Variants in MICAL3 observed in about 807,000 individuals in gnomAD.
MICAL3 encodes the protein [F-actin]-monooxygenase MICAL3.
Under a neutral mutation model 207.4 loss-of-function variants are expected in MICAL3, and 62 were observed. The ratio of observed to expected loss-of-function variants is 0.30; its 90% CI spans 0.24 to 0.37. The LOEUF (loss-of-function observed/expected upper bound fraction) is 0.37. Among genes scored for constraint, MICAL3 ranks in the 10% least tolerant of loss-of-function variants. The pLI is 1.00. For missense variants in MICAL3, 2,368 were observed against 2,635.6 expected, an observed-to-expected ratio of 0.90 and a Z score of 2.22; for synonymous variants, 1,077 against 1,069.3, an observed-to-expected ratio of 1.01 and a Z score of -0.14.
At position 17,886,175 on chromosome 22, in the gene MICAL3, T is replaced by C; in HGVS notation, c.2068-124A>G. 3.0e-6 allele frequency: 3 copies of C among 1,002,050 alleles called. No individual in the cohort carries two copies. The South Asian group carries it at 4.5e-5, about 15-fold the overall frequency. The allele number at this position is 1,002,050 out of a possible 1,614,324, so 62.1% of individuals were successfully genotyped here. ...GGTGGACTGGCTCAGCTCTCAAGGTTCCCGTGTCCACACAGAGACAGCAAG... is the reference window on the plus strand; with the variant it reads ...GGTGGACTGGCTCAGCTCTCAAGGTCCCCGTGTCCACACAGAGACAGCAAG... On this transcript the variant is annotated intron_variant, in intron 15 of 31. Transcript: ENST00000441493.
In MICAL3 at chr22:17,796,360, G is replaced by A. The variant is rs536057849; in HGVS notation, c.5651-5059C>T. On this transcript the variant is annotated intron_variant, in intron 29 of 31. Coordinates refer to ENST00000441493, the MANE Select transcript of MICAL3 (RefSeq NM_015241.3). This position sits in a 1 kb window ranked among gnomAD's most constrained non-coding sequence, Gnocchi z 4.4. ...GCAACAGTACACCACCAGGGAGTGA[G>A]GCCTGTCCAGAGCAGCGCATGAGAT... is the stretch of plus-strand genomic sequence containing the variant. Among the ~76,000 whole-genome samples, 6 of 152,336 alleles carry A rather than the reference G, an allele frequency of 3.9e-5. No homozygotes were observed. The highest frequency in any genetic ancestry group is 5.9e-5 in the Non-Finnish European group (4 of 68,028).
intron 1 of MICAL3, among the ~76,000 whole-genome samples, chr22:17,999,782 G>T (rs118134685): frequency 0.014 from 2,070 of 152,328 alleles, 27 homozygotes; most frequent in Non-Finnish European, 0.021. Flanking sequence ...ATCCTTTACA[G>T]GAGGAACACA....
chr22:17,818,314 G>A lies in MICAL3; in HGVS notation c.4347C>T (p.Asp1449=), dbSNP rs1402132495. The A allele has an allele frequency of 6.4e-7, 1 of 1,565,410 alleles. No homozygotes were observed. Among genetic ancestry groups the A allele is most frequent in the Non-Finnish European group, 8.6e-7 (1 of 1,161,276 alleles). Residue 1449 remains aspartate (D), a synonymous_variant, in exon 26 of 32, where the codon GAC becomes GAT. Transcript: ENST00000441493. ...TGGAGGGGGGCGTGAGCATGGCGGA[G>A]TCCGAGGTGTTGAAGCTCTGGCTGC... ...TLGSQSFNTS[D]SAMLTPPSSP...
intron 1 of MICAL3, among the ~76,000 whole-genome samples, chr22:17,990,882 C>T (rs758232337): frequency 6.6e-6 from 1 of 152,216 alleles, no homozygotes; most frequent in Admixed American, 6.5e-5. Flanking sequence ...GGTTTTTAGC[C>T]AAACCCCTTG....
intron 20 of MICAL3, among the ~76,000 whole-genome samples, chr22:17,836,080 C>A (rs1569087088): frequency 6.6e-6 from 1 of 152,276 alleles, no homozygotes; most frequent in Non-Finnish European, 1.5e-5. Flanking sequence ...ACTCAAAGCA[C>A]CTGCTCTGAA....
At chr22:17,828,139 G>A (rs562940172) in intron 21 of MICAL3, among the ~76,000 whole-genome samples, 1 of 152,342 alleles carries the variant, frequency 6.6e-6, no homozygotes, top group Admixed American at 6.5e-5. Context: ...GCAGATTCCA[G>A]CCTGCTTCTG....
At chr22:17,977,041 G>C (rs1476872276) in intron 1 of MICAL3, among the ~76,000 whole-genome samples, 3 of 151,874 alleles carry the variant, frequency 2.0e-5, no homozygotes, top group African/African-American at 7.3e-5. Flanking sequence ...CTGACCTTGT[G>C]ATCCGCCCAC....
chr22:17,792,160 C>G (rs754379360), intron 29 of MICAL3, among the ~76,000 whole-genome samples: 3 of 152,220 alleles, frequency 2.0e-5, no homozygotes, highest in Non-Finnish European at 4.4e-5. Flanking sequence ...CCAAGCCACC[C>G]AACGAGAGAA....
intron 1 of MICAL3, among the ~76,000 whole-genome samples, chr22:17,956,968 T>A (rs1043047065): frequency 1.9e-4 from 29 of 152,234 alleles, no homozygotes; most frequent in Non-Finnish European, 1.9e-4. Flanking sequence ...TTCTGGTTAA[T>A]GAGATATAAG....
Position 17,841,611 on chromosome 22 carries a change from A to G in MICAL3, c.2801+211T>C. The G allele has an allele frequency of 1.7e-6, 1 of 594,074 alleles. No homozygotes were observed. Among genetic ancestry groups the G allele is most frequent in the Non-Finnish European group, 3.0e-6 (1 of 333,578 alleles). The allele number at this position is 594,074 out of a possible 1,614,324, so 36.8% of individuals were successfully genotyped here. On this transcript the variant is annotated intron_variant, in intron 20 of 31. Transcript: ENST00000441493. This position sits in a 1 kb window ranked among gnomAD's most constrained non-coding sequence, Gnocchi z 4.2. ...CATGTCAGGTCCTCAAGGAATAAATACTTCCTGAATCTCTGAATTGAGTCT... is the reference window on the plus strand; with the variant it reads ...CATGTCAGGTCCTCAAGGAATAAATGCTTCCTGAATCTCTGAATTGAGTCT...
At chr22:17,798,644 TATA>T (rs2061901781) in intron 29 of MICAL3, among the ~76,000 whole-genome samples, 1 of 151,664 alleles carries the variant, frequency 6.6e-6, no homozygotes, top group South Asian at 2.1e-4. Flanking sequence ...ACATAAATAT[TATA>T]ATGATAAATA....
At chr22:17,827,190 C>T (rs1370407055) in intron 22 of MICAL3, among the ~76,000 whole-genome samples, 1 of 151,232 alleles carries the variant, frequency 6.6e-6, no homozygotes, top group Non-Finnish European at 1.5e-5. Context: ...GGAGACGATG[C>T]TACTGTGGAG....
intron 16 of MICAL3, chr22:17,872,604 T>G (rs1927836606): frequency 3.2e-6 from 2 of 628,858 alleles, no homozygotes; most frequent in East Asian, 5.5e-5. Flanking sequence ...CTTAGGAATT[T>G]GGTTATCAAA....
chr22:17,934,003 T>TC (rs948340316), intron 1 of MICAL3, among the ~76,000 whole-genome samples: 53 of 152,214 alleles, frequency 3.5e-4, no homozygotes, highest in African/African-American at 1.3e-3. Flanking sequence ...CCAAAAAAAG[T>TC]CCAGGACCAG....
At chr22:18,020,923 A>T (rs1244905566) in intron 1 of MICAL3, among the ~76,000 whole-genome samples, 1 of 97,192 alleles carries the variant, frequency 1.0e-5, no homozygotes, top group South Asian at 2.6e-4. Context: ...CAAATAAATA[A>T]ATAAATAAAT....
chr22:17,816,664 G>C (rs1196598011), intron 27 of MICAL3, 26 bp downstream of exon 27: 22 of 1,531,156 alleles, frequency 1.4e-5, no homozygotes, highest in Non-Finnish European at 1.9e-5. Context: ...CCCAGGCCCT[G>C]TGAAGCCCCC....
rs1052509377 is a variant in MICAL3 at position 17,790,102 on chromosome 22, G to T, written c.*630C>A. On this transcript the variant is annotated 3_prime_UTR_variant, in exon 32 of 32. Transcript: ENST00000441493. ...AGGCCACAGCCAGCAAGCGGCCCAGGCATTTGGCCACTTAGGGTCCAGTGT... is the reference window on the plus strand; with the variant it reads ...AGGCCACAGCCAGCAAGCGGCCCAGTCATTTGGCCACTTAGGGTCCAGTGT... 6 of 152,234 alleles carry T rather than the reference G, an allele frequency of 3.9e-5. No individual in the cohort carries two copies. The highest frequency in any genetic ancestry group is 1.9e-4 in the East Asian group (1 of 5,188). The allele number at this position is 152,234 out of a possible 1,614,324, so 9.4% of individuals were successfully genotyped here. A position where few individuals can be genotyped will look rare whatever the true frequency, so the allele number is the denominator to read the frequency against.
Position 17,904,771 on chromosome 22 carries a change from C to A in MICAL3, c.333G>T (p.Lys111Asn). The change falls in exon 3 of 32, where the codon AAG becomes AAT. Residue 111 changes from lysine to asparagine, a missense_variant. By Grantham distance (94) the Lys-to-Asn change is moderately conservative. Coordinates refer to ENST00000441493, the MANE Select transcript of MICAL3 (RefSeq NM_015241.3). ...CATCTCGTTTCTCAATAACAACCAC[C>A]TTGGCCCCCAGTAAGGATAAGTCGA... is the stretch of plus-strand genomic sequence containing the variant. ...TAIDLSLLGAKVVVIEKRDAF... is the reference protein window; with the variant it reads ...TAIDLSLLGANVVVIEKRDAF... The A allele has an allele frequency of 6.2e-7, 1 of 1,613,990 alleles. No individual in the cohort carries two copies. Among genetic ancestry groups the A allele is most frequent in the Non-Finnish European group, 8.5e-7 (1 of 1,179,868 alleles).
intron 1 of MICAL3, among the ~76,000 whole-genome samples, chr22:17,940,220 A>G (rs1481465044): frequency 6.6e-6 from 1 of 152,206 alleles, no homozygotes; most frequent in Non-Finnish European, 1.5e-5. Flanking sequence ...CTTATGGTGA[A>G]AAGTATTTGT....
Sources: allele counts gnomAD v4.1 joint callset (sites outside exome capture counted in the v4.1 genomes callset), GRCh38; gene constraint gnomAD v4.1.1; non-coding constraint Gnocchi (gnomAD v3.1); transcripts MANE v1.5; gene names NCBI Gene and HGNC (gene_info 2026-07-23, HGNC 2026-07-21).